The following CDK5RAP2 variants were observed in gnomAD, a reference collection of about 807,000 sequenced individuals.
CDK5RAP2 encodes CDK5 regulatory subunit-associated protein 2.
In CDK5RAP2, 147 loss-of-function variants were observed where a neutral mutation model predicts 232.9. The ratio of observed to expected loss-of-function variants is 0.63; its 90% CI spans 0.55 to 0.72. The LOEUF (loss-of-function observed/expected upper bound fraction) is 0.72, where lower values mean the gene tolerates loss of function less well. Among genes scored for constraint, CDK5RAP2 ranks in the 30% least tolerant of loss-of-function variants. The pLI, the probability that CDK5RAP2 is intolerant of heterozygous loss-of-function variation, is 0.00. For synonymous variants in CDK5RAP2, 833 were observed against 833.7 expected (o/e 1.00, Z 0.01); for missense variants, 2,195 against 2,231.5 (o/e 0.98, Z 0.33).
chr9:120,400,902 A>G lies in CDK5RAP2; in HGVS notation c.5308-17T>C. The G allele has an allele frequency of 6.2e-7, 1 of 1,614,112 alleles. No homozygotes were observed. Among genetic ancestry groups the G allele is most frequent in the Non-Finnish European group, 8.5e-7 (1 of 1,179,994 alleles). On this transcript the variant is annotated splice_polypyrimidine_tract_variant and intron_variant, in intron 34 of 37. Transcript: ENST00000349780. ...GTGTGGACCCTACACGGGGGATATG[A>G]AGGCTGTTACGTGCAGTCTTGAAAA...
At chr9:120,493,852 G>A (rs561579273) in intron 12 of CDK5RAP2, among the ~76,000 whole-genome samples, 1 of 152,306 alleles carries the variant, frequency 6.6e-6, no homozygotes, top group South Asian at 2.1e-4. Context: ...AGCACTTTGG[G>A]AGACCGAGGC....
At chr9:120,509,909 T>C (rs1236283254) in intron 12 of CDK5RAP2, among the ~76,000 whole-genome samples, 2 of 152,118 alleles carry the variant, frequency 1.3e-5, no homozygotes, top group African/African-American at 4.8e-5. Context: ...AACTGCACAT[T>C]ATTCTATAAA....
chr9:120,545,814 A>G, intron 4 of CDK5RAP2, 24 bp from the exon 5 acceptor site: 1 of 1,590,996 alleles, frequency 6.3e-7, no homozygotes, highest in Non-Finnish European at 8.6e-7. Flanking sequence ...TTAAGAAAGA[A>G]AAGAAACAAT....
At chr9:120,564,829 A>G (rs560250668) in intron 3 of CDK5RAP2, among the ~76,000 whole-genome samples, 1 of 152,310 alleles carries the variant, frequency 6.6e-6, no homozygotes, top group Admixed American at 6.5e-5. Context: ...CCCAAAAAAC[A>G]TGTTTTTTAA....
chr9:120,578,770 T>C (rs1015130822), intron 1 of CDK5RAP2, among the ~76,000 whole-genome samples: 3 of 152,104 alleles, frequency 2.0e-5, no homozygotes, highest in Admixed American at 6.6e-5. Context: ...TTTCACCATG[T>C]TGCCCAGGCT....
At chr9:120,476,660 C>T (rs1011253571) in intron 15 of CDK5RAP2, among the ~76,000 whole-genome samples, 5 of 144,956 alleles carry the variant, frequency 3.4e-5, no homozygotes, top group African/African-American at 1.3e-4. Flanking sequence ...GCCTGGGCAA[C>T]AGAGCAAGAC....
intron 27 of CDK5RAP2, among the ~76,000 whole-genome samples, chr9:120,416,723 T>A (rs555113282): frequency 7.9e-5 from 12 of 152,356 alleles, no homozygotes; most frequent in African/African-American, 2.6e-4. Flanking sequence ...TAAAGCATCA[T>A]CACATTAAGT....
At chr9:120,521,940 T>C (rs2040685800) in intron 11 of CDK5RAP2, among the ~76,000 whole-genome samples, 1 of 152,152 alleles carries the variant, frequency 6.6e-6, no homozygotes, top group Non-Finnish European at 1.5e-5. Context: ...CCACCGCACC[T>C]GGCCTAAACC....
intron 7 of CDK5RAP2, among the ~76,000 whole-genome samples, chr9:120,531,003 A>AT (rs1007738552): frequency 3.9e-5 from 6 of 152,080 alleles, no homozygotes; most frequent in Non-Finnish European, 8.8e-5. Context: ...ACAAAGTATA[A>AT]TTTTTAAAAA....
chr9:120,454,366 A>G (rs985304499), intron 20 of CDK5RAP2, among the ~76,000 whole-genome samples: 2 of 152,220 alleles, frequency 1.3e-5, no homozygotes, highest in African/African-American at 4.8e-5. Flanking sequence ...GTGCTTAATA[A>G]AGAGGTGTTA....
At position 120,458,479 on chromosome 9, in the gene CDK5RAP2, A is replaced by G. The variant is rs1351763220; in HGVS notation, c.2346T>C (p.Asn782=). 16 of 1,613,978 alleles carry G rather than the reference A, an allele frequency of 9.9e-6. No homozygotes were observed. The highest frequency in any genetic ancestry group is 3.3e-4 in the Middle Eastern group (2 of 6,084). The change falls in exon 20 of 38, where the codon AAT becomes AAC. Residue 782 remains asparagine (N), a synonymous_variant. Transcript: ENST00000349780. ...ATTCCAGTAATAATGTGGCCTTCTC[A>G]TTGAACAAAGGGGCAAGCAGGTTTA... ...AFINLLAPLF[N]EKATLLLESR... is the part of the protein sequence containing the mutation.
intron 3 of CDK5RAP2, among the ~76,000 whole-genome samples, chr9:120,553,588 G>C (rs2042122315): frequency 6.6e-6 from 1 of 152,156 alleles, no homozygotes; most frequent in African/African-American, 2.4e-5. Context: ...GGGAGGAAAA[G>C]TGCATAGTGC....
rs2037036174 is a variant in CDK5RAP2, at chr9:120,460,686, G to C, written c.2107-19C>G. 2 of 1,613,700 alleles carry C rather than the reference G, an allele frequency of 1.2e-6. 1 individual carries two copies. Among genetic ancestry groups the C allele is most frequent in the Non-Finnish European group, 1.7e-6 (2 of 1,179,926 alleles). ...CCAGAAGCTACATGGAGCATGGAAT[G>C]GTGTGAAAATGCAACCCAAAAAAGT... On this transcript the variant is annotated intron_variant, in intron 18 of 37. Coordinates refer to ENST00000349780, the MANE Select transcript of CDK5RAP2 (RefSeq NM_018249.6).
intron 11 of CDK5RAP2, among the ~76,000 whole-genome samples, chr9:120,521,592 T>C (rs552675485): frequency 1.2e-4 from 19 of 152,242 alleles, no homozygotes; most frequent in Admixed American, 7.2e-4. Context: ...TCCGCCATGA[T>C]TGTGAGGCCT....
At chr9:120,518,200 T>TGA (rs2040433156) in intron 12 of CDK5RAP2, among the ~76,000 whole-genome samples, 1 of 104,628 alleles carries the variant, frequency 9.6e-6, no homozygotes, top group African/African-American at 4.1e-5. Context: ...TGTGTGTGTG[T>TGA]GTGTGTGTGT....
At chr9:120,414,009 G>C (rs796984416) in intron 28 of CDK5RAP2, among the ~76,000 whole-genome samples, 14 of 152,352 alleles carry the variant, frequency 9.2e-5, no homozygotes, top group African/African-American at 3.1e-4. Context: ...CTGCCATGGG[G>C]CACTATCTTT....
intron 22 of CDK5RAP2, among the ~76,000 whole-genome samples, chr9:120,447,254 A>C (rs2036243885): frequency 2.6e-5 from 4 of 152,140 alleles, no homozygotes; most frequent in Admixed American, 2.6e-4. Context: ...ATTCTGTGGG[A>C]GGGCCCTCTG....
intron 25 of CDK5RAP2, among the ~76,000 whole-genome samples, chr9:120,424,297 A>G (rs2034747064): frequency 6.6e-6 from 1 of 152,244 alleles, no homozygotes; most frequent in Admixed American, 6.5e-5. Context: ...ATCCTGGCCA[A>G]AAATGGCATG....
At chr9:120,572,630 T>C (rs906949088) in intron 1 of CDK5RAP2, among the ~76,000 whole-genome samples, 3 of 152,232 alleles carry the variant, frequency 2.0e-5, no homozygotes, top group Admixed American at 1.3e-4. Context: ...CTGGAGACAC[T>C]GACAGAAAAC....
Sources: allele counts gnomAD v4.1 joint callset (sites outside exome capture counted in the v4.1 genomes callset), GRCh38; gene constraint gnomAD v4.1.1; transcripts MANE v1.5; gene names NCBI Gene and HGNC (gene_info 2026-07-23, HGNC 2026-07-21).